Variants in IGFL2 observed in about 807,000 individuals in gnomAD.
IGFL2 encodes IGF like family member 2, also known as insulin growth factor-like family member 2.
Under a neutral mutation model 13.9 loss-of-function variants are expected in IGFL2, and 7 were observed. The ratio of observed to expected loss-of-function variants is 0.51; its 90% confidence interval spans 0.29 to 0.95. The LOEUF (loss-of-function observed/expected upper bound fraction) is 0.95, where lower values mean the gene tolerates loss of function less well. IGFL2 is among the 40% of genes least tolerant of loss of function. IGFL2 has a pLI of 0.08. For synonymous variants in IGFL2, 55 were observed against 55.8 expected, an observed-to-expected ratio of 0.99 and a Z score of 0.07; for missense variants, 138 against 147.8, an observed-to-expected ratio of 0.93 and a Z score of 0.34.
chr19:46,110,814 T>C, the IGFL2 span, among the ~76,000 whole-genome samples: 3 of 152,212 alleles, frequency 2.0e-5, no homozygotes, highest in Non-Finnish European at 4.4e-5. Context: ...ATACGATACA[T>C]CATGATCTTA....
At chr19:46,084,172 GTCT>G in the IGFL2 span, among the ~76,000 whole-genome samples, 1 of 152,156 alleles carries the variant, frequency 6.6e-6, no homozygotes, top group Non-Finnish European at 1.5e-5. Context: ...TATGATTTCA[GTCT>G]TCTTAAATTT....
intron 1 of IGFL2, among the ~76,000 whole-genome samples, chr19:46,155,575 G>A (rs562998575): frequency 4.6e-5 from 7 of 152,196 alleles, no homozygotes; most frequent in African/African-American, 9.6e-5. Context: ...TTGTTTTGCC[G>A]GGAGGAAGGC....
At chr19:46,167,296 T>C in the IGFL2 span, among the ~76,000 whole-genome samples, 2 of 152,206 alleles carry the variant, frequency 1.3e-5, no homozygotes, top group African/African-American at 4.8e-5. Flanking sequence ...AAAGACATAG[T>C]ACACATCTGT....
the IGFL2 span, among the ~76,000 whole-genome samples, chr19:46,179,087 G>GA: frequency 6.6e-6 from 1 of 152,162 alleles, no homozygotes; most frequent in African/African-American, 2.4e-5. Flanking sequence ...CAGGGCTGCA[G>GA]GGGTCCGGGC....
chr19:46,174,485 C>T, the IGFL2 span, among the ~76,000 whole-genome samples: 9 of 152,154 alleles, frequency 5.9e-5, no homozygotes, highest in South Asian at 2.1e-4. Flanking sequence ...AAAGAAGTGG[C>T]TGGTAACACC....
chr19:46,150,752 C>A (rs1973437886), intron 1 of IGFL2, among the ~76,000 whole-genome samples: 1 of 152,014 alleles, frequency 6.6e-6, no homozygotes, highest in South Asian at 2.1e-4. Context: ...CTCACTGCAC[C>A]CTCTACCTCT....
chr19:46,211,243 G>A, the IGFL2 span, among the ~76,000 whole-genome samples: 40 of 152,344 alleles, frequency 2.6e-4, no homozygotes, highest in African/African-American at 8.4e-4. Flanking sequence ...TGCCAGAGCA[G>A]GGATTAGGCT....
chr19:46,139,117 G>A (rs1972738739), upstream of IGFL2, among the ~76,000 whole-genome samples: 1 of 152,038 alleles, frequency 6.6e-6, no homozygotes, highest in Non-Finnish European at 1.5e-5. Context: ...CCCAGGAGCT[G>A]TTCAGGGCCA....
At chr19:46,206,992 G>A in the IGFL2 span, 7,056 of 152,264 alleles carry the variant, frequency 0.046, 333 homozygotes, top group East Asian at 0.11. Flanking sequence ...CCTCCTCCCA[G>A]CAGAAGGACA....
chr19:46,116,946 G>GT, the IGFL2 span, among the ~76,000 whole-genome samples: 2 of 151,184 alleles, frequency 1.3e-5, no homozygotes, highest in Non-Finnish European at 2.9e-5. Context: ...TAATTAACTT[G>GT]TTTATCTTAT....
intron 1 of IGFL2, chr19:46,149,176 TTCTC>T (rs71175261): frequency 0.45 from 290,648 of 646,224 alleles, 62,830 homozygotes; most frequent in Middle Eastern, 0.55. Context: ...TCTCTCTCTC[TTCTC>T]TCTCTCTTTC....
At chr19:46,171,186 C>T in the IGFL2 span, among the ~76,000 whole-genome samples, 9 of 152,230 alleles carry the variant, frequency 5.9e-5, no homozygotes, top group East Asian at 1.9e-4. Flanking sequence ...TGTACTCTTT[C>T]GCTTTATTTC....
chr19:46,104,269 A>T, the IGFL2 span, among the ~76,000 whole-genome samples: 4 of 152,268 alleles, frequency 2.6e-5, no homozygotes, highest in East Asian at 1.9e-4. Flanking sequence ...TCTAATTCTG[A>T]GAAGGGCAAG....
the IGFL2 span, among the ~76,000 whole-genome samples, chr19:46,090,545 G>C: frequency 6.6e-6 from 1 of 152,224 alleles, no homozygotes; most frequent in Non-Finnish European, 1.5e-5. Context: ...TAGATAGCCT[G>C]GACAGACTGG....
the IGFL2 span, chr19:46,214,246 G>A: frequency 6.6e-6 from 1 of 152,168 alleles, no homozygotes; most frequent in Non-Finnish European, 1.5e-5. Context: ...GCCCAGAGTC[G>A]GGGCTCTGGG....
the IGFL2 span, among the ~76,000 whole-genome samples, chr19:46,101,903 TAAAG>T: frequency 6.6e-6 from 1 of 152,078 alleles, no homozygotes; most frequent in African/African-American, 2.4e-5. Flanking sequence ...GGTGGGCAAA[TAAAG>T]AGAGAACGTT....
Position 46,153,218 on chromosome 19 carries a change from A to C in IGFL2, c.19+4921A>C, listed in dbSNP as rs562869155. ...AAAGTTGTGTTTGGTTTTTTTGAAAAGTTTGTGAATGATTGGTATTAAGCC... is the reference window on the plus strand; with the variant it reads ...AAAGTTGTGTTTGGTTTTTTTGAAACGTTTGTGAATGATTGGTATTAAGCC... On this transcript the variant is annotated intron_variant, in intron 1 of 3. Transcript: ENST00000377693. Among the ~76,000 whole-genome samples the C allele has an allele frequency of 8.0e-4, 122 of 152,272 alleles. 2 individuals carry two copies. The Middle Eastern group carries it at 0.017, about 21-fold the overall frequency.
chr19:46,128,139 G>A, the IGFL2 span, among the ~76,000 whole-genome samples: 1 of 152,014 alleles, frequency 6.6e-6, no homozygotes, highest in African/African-American at 2.4e-5. Context: ...TTGGTGTATG[G>A]GAATGCTAGT....
At chr19:46,137,690 G>A in the IGFL2 span, 1 of 547,628 alleles carries the variant, frequency 1.8e-6, no homozygotes, top group Non-Finnish European at 3.3e-6. Context: ...TTGGTCCCCG[G>A]CTTCAGGGAG....
Sources: gnomAD v4.1 joint callset for allele counts (sites outside exome capture counted in the v4.1 genomes callset) on GRCh38, gnomAD v4.1.1 for gene constraint, MANE v1.5 for transcripts, NCBI Gene and HGNC (gene_info 2026-07-23, HGNC 2026-07-21) for gene names.